The following ASIC2 variants were observed in gnomAD, a reference collection of about 807,000 sequenced individuals.
ASIC2 encodes the protein acid sensing ion channel subunit 2, also known as acid-sensing ion channel 2.
A neutral mutation model predicts 57.3 loss-of-function variants in ASIC2; 25 were observed. The observed-to-expected ratio is 0.44, with a 90% CI of 0.32 to 0.61. The LOEUF is 0.61. ASIC2 is among the 20% of genes least tolerant of loss of function. The pLI is 0.06. For missense variants in ASIC2, 641 were observed against 738.1 expected, an observed-to-expected ratio of 0.87 and a Z score of 1.52; for synonymous variants, 319 against 307.5, an observed-to-expected ratio of 1.04 and a Z score of -0.39.
intron 1 of ASIC2, among the ~76,000 whole-genome samples, chr17:33,345,693 A>T (rs1907914837): frequency 6.6e-6 from 1 of 152,266 alleles, no homozygotes. Context: ...GCAAAGACTG[A>T]ATCATACAGG....
chr17:33,525,902 C>T lies in ASIC2; in HGVS notation c.556-413835G>A, dbSNP rs572621917. On this transcript the variant is annotated intron_variant, in intron 1 of 9. Transcript: ENST00000359872. ...GTGGTCACTTCTGACTGAGCTATTACAGCATTTACTGCCTGTCCTGCTTTA... is the reference window on the plus strand; with the variant it reads ...GTGGTCACTTCTGACTGAGCTATTATAGCATTTACTGCCTGTCCTGCTTTA... Among the ~76,000 whole-genome samples the T allele has an allele frequency of 1.2e-4, 18 of 152,300 alleles. No individual in the cohort carries two copies. The South Asian group carries it at 3.5e-3, about 30-fold the overall frequency.
chr17:33,846,213 T>G (rs893065203), intron 1 of ASIC2, among the ~76,000 whole-genome samples: 1 of 152,254 alleles, frequency 6.6e-6, no homozygotes, highest in East Asian at 1.9e-4. Context: ...CCGGGCCAGA[T>G]AGGGAGCAGG....
chr17:33,918,901 T>C (rs1915647829), intron 1 of ASIC2, among the ~76,000 whole-genome samples: 1 of 152,158 alleles, frequency 6.6e-6, no homozygotes, highest in African/African-American at 2.4e-5. Flanking sequence ...CCAAAGGGTC[T>C]CAGGACACTG....
At chr17:33,427,952 C>G (rs2141976281) in intron 1 of ASIC2, among the ~76,000 whole-genome samples, 1 of 152,330 alleles carries the variant, frequency 6.6e-6, no homozygotes, top group East Asian at 1.9e-4. Flanking sequence ...AAAAAGCCAG[C>G]AGCCATGTTG....
intron 1 of ASIC2, among the ~76,000 whole-genome samples, chr17:33,929,784 C>G (rs1915892772): frequency 6.6e-6 from 1 of 152,140 alleles, no homozygotes. Flanking sequence ...CCAAAATAGC[C>G]TAAGCTTCAG....
chr17:33,019,195 G>A (rs576537834), intron 7 of ASIC2, among the ~76,000 whole-genome samples: 88 of 152,208 alleles, frequency 5.8e-4, no homozygotes, highest in African/African-American at 2.1e-3. Context: ...GCCAGGGTCT[G>A]GGGTGTGTGC....
intron 1 of ASIC2, among the ~76,000 whole-genome samples, chr17:34,047,453 A>T (rs1381733947): frequency 1.3e-5 from 2 of 148,528 alleles, no homozygotes; most frequent in African/African-American, 5.0e-5. Context: ...ATATTCTATA[A>T]CATGGCTCTG....
intron 1 of ASIC2, among the ~76,000 whole-genome samples, chr17:34,151,779 G>A (rs1904535323): frequency 6.6e-6 from 1 of 152,136 alleles, no homozygotes; most frequent in Middle Eastern, 3.2e-3. Flanking sequence ...ACTAAGCAAA[G>A]CAAGAGGCCT....
intron 1 of ASIC2, among the ~76,000 whole-genome samples, chr17:34,028,195 G>T (rs923721206): frequency 6.6e-6 from 1 of 152,090 alleles, no homozygotes; most frequent in Non-Finnish European, 1.5e-5. Context: ...TAGAAGCAGA[G>T]ATATTTTAGT....
At chr17:33,143,104 C>T (rs921357777) in intron 1 of ASIC2, among the ~76,000 whole-genome samples, 2 of 152,222 alleles carry the variant, frequency 1.3e-5, no homozygotes, top group African/African-American at 4.8e-5. Context: ...ACTCCAAAGC[C>T]TGCCAGCATG....
chr17:34,028,887 T>C (rs1254710218), intron 1 of ASIC2, among the ~76,000 whole-genome samples: 1 of 152,170 alleles, frequency 6.6e-6, no homozygotes, highest in Non-Finnish European at 1.5e-5. Context: ...CATTCAGCTC[T>C]GGCTGCCCAG....
intron 1 of ASIC2, among the ~76,000 whole-genome samples, chr17:34,076,456 C>T (rs1288182704): frequency 6.6e-6 from 1 of 152,198 alleles, no homozygotes; most frequent in Admixed American, 6.5e-5. Flanking sequence ...ATATCACTTT[C>T]TACCTTCATA....
rs1465638484 is a variant in ASIC2, at chr17:34,083,873, G to T, written c.555+72105C>A. Among the ~76,000 whole-genome samples, 4 of 152,046 alleles carry T rather than the reference G, an allele frequency of 2.6e-5. No individual in the cohort carries two copies. The East Asian group carries it at 5.8e-4, about 22-fold the overall frequency. ...CGCCCACTTTTTGACGGGGTTGTTT[G>T]TTTTTTTCTTGTAAATTTGTTTGAG... is the stretch of plus-strand genomic sequence containing the variant. On this transcript the variant is annotated intron_variant, in intron 1 of 9. Transcript: ENST00000359872.
At chr17:33,731,158 G>A (rs1909728220) in intron 1 of ASIC2, among the ~76,000 whole-genome samples, 1 of 152,174 alleles carries the variant, frequency 6.6e-6, no homozygotes, top group African/African-American at 2.4e-5. Context: ...ACACCTCAAG[G>A]GACCATCTTT....
intron 1 of ASIC2, among the ~76,000 whole-genome samples, chr17:33,924,634 T>C (rs1161563818): frequency 2.6e-5 from 4 of 152,220 alleles, no homozygotes; most frequent in African/African-American, 9.6e-5. Flanking sequence ...CTGTCATCTT[T>C]CCCTTCATCC....
chr17:34,035,187 G>T (rs1907819412), intron 1 of ASIC2, among the ~76,000 whole-genome samples: 1 of 146,490 alleles, frequency 6.8e-6, no homozygotes, highest in African/African-American at 2.7e-5. Flanking sequence ...ACAGAACAGA[G>T]CCCTCAGAAA....
chr17:34,154,339 G>A (rs891378752), intron 1 of ASIC2, among the ~76,000 whole-genome samples: 15 of 152,216 alleles, frequency 9.9e-5, no homozygotes, highest in African/African-American at 3.4e-4. Flanking sequence ...TTAGGATCCT[G>A]TTTGCTGCAT....
At position 33,897,052 on chromosome 17, in the gene ASIC2, C is replaced by T. The variant is rs145015380; in HGVS notation, c.555+258926G>A. On this transcript the variant is annotated intron_variant, in intron 1 of 9. Transcript: ENST00000359872. ...ATTATAAAGTTTTACTAAAGCTCCC[C>T]AAAAGATGTCCATGGGTAGGCACAT... 6.7e-4 allele frequency among the ~76,000 whole-genome samples: 102 copies of T among 152,224 alleles called. 2 individuals are homozygous for T. The highest frequency in any genetic ancestry group is 3.4e-3 in the Middle Eastern group (1 of 294).
At chr17:33,244,851 C>G (rs1908635497) in intron 1 of ASIC2, among the ~76,000 whole-genome samples, 1 of 152,216 alleles carries the variant, frequency 6.6e-6, no homozygotes, top group Admixed American at 6.5e-5. Flanking sequence ...CCTGTTAAAA[C>G]AAGGTGGCAC....
Sources: gnomAD v4.1 joint callset for allele counts (sites outside exome capture counted in the v4.1 genomes callset) on GRCh38, gnomAD v4.1.1 for gene constraint, MANE v1.5 for transcripts, NCBI Gene and HGNC (gene_info 2026-07-23, HGNC 2026-07-21) for gene names.